Variants in CCSER1 observed in about 807,000 individuals in gnomAD.
The protein encoded by CCSER1 is serine-rich coiled-coil domain-containing protein 1.
In CCSER1, 41 loss-of-function variants were observed where a neutral mutation model predicts 82.0. That is an observed-to-expected ratio of 0.50 (90% CI 0.39 to 0.65). The LOEUF (loss-of-function observed/expected upper bound fraction) is 0.65. Ranked by LOEUF, CCSER1 falls within the 30% of genes least tolerant of loss-of-function variation. The probability of loss-of-function intolerance (pLI) is 0.00; values close to 1 mark genes in which losing one functional copy is unlikely to be tolerated. For missense variants in CCSER1, 1,119 were observed against 1,064.2 expected (o/e 1.05, Z -0.72); for synonymous variants, 414 against 383.9 (o/e 1.08, Z -0.92).
chr4:91,376,829 A>G (rs981284738), intron 10 of CCSER1, among the ~76,000 whole-genome samples: 1 of 152,124 alleles, frequency 6.6e-6, no homozygotes, highest in South Asian at 2.1e-4. Context: ...ACATATGTAT[A>G]CATGTGCCAT....
chr4:90,422,361 G>T (rs1355719186), intron 4 of CCSER1, among the ~76,000 whole-genome samples: 1 of 152,146 alleles, frequency 6.6e-6, no homozygotes, highest in South Asian at 2.1e-4. Context: ...TGGGAGGCTA[G>T]GCTGGAAAAT....
At chr4:90,397,010 T>A (rs2153542387) in intron 3 of CCSER1, among the ~76,000 whole-genome samples, 1 of 151,936 alleles carries the variant, frequency 6.6e-6, no homozygotes, top group African/African-American at 2.4e-5. Flanking sequence ...CTGGAAAAGA[T>A]GTTTTTAGGT....
intron 10 of CCSER1, among the ~76,000 whole-genome samples, chr4:91,220,632 A>G (rs902166545): frequency 2.0e-5 from 3 of 152,158 alleles, no homozygotes; most frequent in African/African-American, 7.2e-5. Flanking sequence ...TTACTAGTTC[A>G]ACAACGGTAG....
chr4:91,308,193 G>C (rs1174587651), intron 10 of CCSER1, among the ~76,000 whole-genome samples: 2 of 151,968 alleles, frequency 1.3e-5, no homozygotes, highest in Non-Finnish European at 2.9e-5. Context: ...TTCATGTCCT[G>C]TATGGCTTGC....
chr4:91,333,423 C>T (rs1033127154), intron 10 of CCSER1, among the ~76,000 whole-genome samples: 1 of 152,040 alleles, frequency 6.6e-6, no homozygotes, highest in Non-Finnish European at 1.5e-5. Context: ...CTGTAAAACA[C>T]TCTTACATTT....
At chr4:91,480,726 T>G (rs7440542) in intron 10 of CCSER1, among the ~76,000 whole-genome samples, 125,953 of 152,144 alleles carry the variant, frequency 0.83, 52,496 homozygotes, top group East Asian at 0.93. Context: ...AGATGTTTTT[T>G]CCATGTTGGA....
chr4:91,538,710 T>TATATATATATATATATATATAA (rs1560747576), intron 10 of CCSER1, among the ~76,000 whole-genome samples: 1 of 28,342 alleles, frequency 3.5e-5, no homozygotes, highest in African/African-American at 2.8e-4. Flanking sequence ...TATATATATA[T>TATATATATATATATATATATAA]AATATCTCAG....
At chr4:90,601,174 A>G (rs1271330815) in intron 5 of CCSER1, among the ~76,000 whole-genome samples, 1 of 152,034 alleles carries the variant, frequency 6.6e-6, no homozygotes, top group Non-Finnish European at 1.5e-5. Flanking sequence ...CATAGGCTAG[A>G]GTCTTCAGTA....
At chr4:90,224,890 G>A (rs1052177962) in intron 1 of CCSER1, among the ~76,000 whole-genome samples, 2 of 152,036 alleles carry the variant, frequency 1.3e-5, no homozygotes, top group African/African-American at 4.8e-5. Context: ...GAACATCAGA[G>A]ACTTCTAGTT....
At chr4:91,213,341 C>T (rs1027601732) in intron 10 of CCSER1, among the ~76,000 whole-genome samples, 3 of 152,042 alleles carry the variant, frequency 2.0e-5, no homozygotes, top group African/African-American at 7.2e-5. Flanking sequence ...GTGCTGCTTT[C>T]ACAGAACCTA....
At chr4:90,794,992 A>T (rs1266059141) in intron 7 of CCSER1, among the ~76,000 whole-genome samples, 1 of 151,964 alleles carries the variant, frequency 6.6e-6, no homozygotes, top group African/African-American at 2.4e-5. Flanking sequence ...GGTGTATAGA[A>T]ATGTTACTGA....
chr4:91,157,866 G>A (rs910854129), intron 10 of CCSER1, among the ~76,000 whole-genome samples: 14 of 152,032 alleles, frequency 9.2e-5, no homozygotes, highest in African/African-American at 3.4e-4. Context: ...CTTATGTTTA[G>A]TAGAGAATAG....
intron 7 of CCSER1, among the ~76,000 whole-genome samples, chr4:90,745,995 C>T (rs1194495524): frequency 2.6e-5 from 4 of 152,074 alleles, no homozygotes; most frequent in South Asian, 2.1e-4. Flanking sequence ...CCACCACGCC[C>T]GGCCTCTTTT....
intron 9 of CCSER1, among the ~76,000 whole-genome samples, chr4:91,053,780 T>G (rs2148715260): frequency 6.6e-6 from 1 of 152,342 alleles, no homozygotes; most frequent in Non-Finnish European, 1.5e-5. Context: ...ACTGTGCATC[T>G]TTGTTCACTT....
At chr4:91,033,348 C>T (rs147617255) in intron 9 of CCSER1, among the ~76,000 whole-genome samples, 1 of 152,168 alleles carries the variant, frequency 6.6e-6, no homozygotes, top group Non-Finnish European at 1.5e-5. Context: ...TAGAGGGATG[C>T]AGTGACTTTC....
At chr4:90,147,705 T>G (rs918713051) in intron 1 of CCSER1, among the ~76,000 whole-genome samples, 1 of 152,284 alleles carries the variant, frequency 6.6e-6, no homozygotes, top group Non-Finnish European at 1.5e-5. Context: ...ATACAAACAT[T>G]TGAAAACATT....
chr4:90,769,294 G>A (rs1751726648), intron 7 of CCSER1, among the ~76,000 whole-genome samples: 1 of 152,114 alleles, frequency 6.6e-6, no homozygotes, highest in African/African-American at 2.4e-5. Context: ...AGTTATAGAT[G>A]CAGAAACATT....
chr4:90,592,870 A>G (rs1396896712), intron 5 of CCSER1, among the ~76,000 whole-genome samples: 1 of 152,132 alleles, frequency 6.6e-6, no homozygotes, highest in African/African-American at 2.4e-5. Flanking sequence ...TTCTGGCTGT[A>G]TGTGTTAACT....
intron 10 of CCSER1, among the ~76,000 whole-genome samples, chr4:91,284,241 C>CAA (rs1405487697): frequency 1.3e-5 from 2 of 152,102 alleles, no homozygotes; most frequent in Non-Finnish European, 2.9e-5. Context: ...ATATCATGCA[C>CAA]AGTTGTGTTT....
Sources: gnomAD v4.1 joint callset for allele counts (sites outside exome capture counted in the v4.1 genomes callset) on GRCh38, gnomAD v4.1.1 for gene constraint, MANE v1.5 for transcripts, NCBI Gene and HGNC (gene_info 2026-07-23, HGNC 2026-07-21) for gene names.